Variants in NEK5 observed in about 807,000 individuals in gnomAD.
NEK5 encodes the protein NIMA related kinase 5.
In NEK5, 88 loss-of-function variants were observed where a neutral mutation model predicts 109.2. The ratio of observed to expected loss-of-function variants is 0.81; its 90% CI spans 0.68 to 0.96. NEK5 has a LOEUF of 0.96. NEK5 is among the 40% of genes least tolerant of loss of function. NEK5 has a pLI of 0.00. For missense variants in NEK5, 834 were observed against 920.7 expected (o/e 0.91, Z 1.22); for synonymous variants, 283 against 299.9 (o/e 0.94, Z 0.58).
chr13:52,125,057 A>AGC (rs1466879587), intron 3 of NEK5, among the ~76,000 whole-genome samples: 1 of 152,236 alleles, frequency 6.6e-6, no homozygotes, highest in Non-Finnish European at 1.5e-5. Context: ...ACATTAATAC[A>AGC]GCGCAGCACA....
intron 23 of NEK5, among the ~76,000 whole-genome samples, chr13:52,042,256 AT>A (rs1187003618): frequency 6.6e-6 from 1 of 151,872 alleles, no homozygotes; most frequent in Non-Finnish European, 1.5e-5. Flanking sequence ...AAGAATATAC[AT>A]CAACAAGAAA....
intron 22 of NEK5, among the ~76,000 whole-genome samples, chr13:52,054,889 C>T (rs1231373179): frequency 2.0e-5 from 3 of 152,312 alleles, no homozygotes; most frequent in East Asian, 1.9e-4. Flanking sequence ...AAAAGCAGAG[C>T]ACCTCTCCTC....
intron 20 of NEK5, among the ~76,000 whole-genome samples, chr13:52,068,384 A>G (rs1014774796): frequency 6.6e-6 from 1 of 152,136 alleles, no homozygotes; most frequent in African/African-American, 2.4e-5. Flanking sequence ...GTCTGTAAAT[A>G]CCTCAGTAAG....
intron 17 of NEK5, among the ~76,000 whole-genome samples, chr13:52,081,966 C>G (rs1296095715): frequency 1.3e-5 from 2 of 152,130 alleles, no homozygotes; most frequent in Non-Finnish European, 2.9e-5. Flanking sequence ...GACTCTGGAC[C>G]AAGCTCTAAT....
rs1955549462 is a variant in NEK5, at chr13:52,102,142, A to T, written c.760T>A (p.Leu254Met). 1 of 1,613,986 alleles carries T rather than the reference A, an allele frequency of 6.2e-7. No homozygotes were observed. The highest frequency in any genetic ancestry group is 1.7e-5 in the Admixed American group (1 of 60,004). ...AGATTCTCTAAAAAGGGCCTTTTCA[A>T]AATGGAATTTATGGATGGTCGGTCT... is the stretch of plus-strand genomic sequence containing the variant. ...PRDRPSINSI[L>M]KRPFLENLIP... Residue 254 changes from leucine (L) to methionine (M), a missense_variant, in exon 10 of 24, where the codon TTG (leucine) becomes ATG (methionine). Leu to Met is a conservative substitution (Grantham distance 15). This residue lies in a region of NEK5 where 777 missense variants were observed against 824.7 expected (regional missense o/e 0.94). Coordinates refer to ENST00000684899, the MANE Select transcript of NEK5 (RefSeq NM_001365552.1).
Position 52,050,130 on chromosome 13 carries a change from T to C in NEK5, c.2202A>G (p.Leu734=), listed in dbSNP as rs556590117. Residue 734 remains leucine (L), a synonymous_variant, in exon 23 of 24, where the codon CTA becomes CTG. Transcript: ENST00000684899. ...VSGIEVDEEQ[L]EPRSDDDDTN... is the part of the protein sequence containing the mutation. The stretch of plus-strand genomic sequence containing the variant: ...TATCATCATCATCAGATCTTGGTTC[T>C]AGTTGTTCCTCATCTACTTCAATGC... The C allele has an allele frequency of 9.1e-6, 9 of 984,886 alleles. No homozygotes were observed. The Admixed American group carries it at 3.1e-4, about 34-fold the overall frequency. The allele number at this position is 984,886 out of a possible 1,614,324, so 61.0% of individuals were successfully genotyped here. A position where few individuals can be genotyped will look rare whatever the true frequency, so the allele number is the denominator to read the frequency against.
intron 21 of NEK5, chr13:52,064,761 A>C (rs899495492): frequency 1.3e-5 from 3 of 234,848 alleles, no homozygotes; most frequent in Non-Finnish European, 2.5e-5. Flanking sequence ...GAGACTTTTC[A>C]TTTTGTTCCG....
intron 22 of NEK5, among the ~76,000 whole-genome samples, chr13:52,057,042 A>G (rs1232993324): frequency 3.9e-5 from 6 of 152,050 alleles, no homozygotes; most frequent in South Asian, 2.1e-4. Flanking sequence ...AAAATTGATA[A>G]ACCGCTAGCA....
At chr13:52,088,705 A>T (rs1007886321) in intron 14 of NEK5, among the ~76,000 whole-genome samples, 4 of 152,170 alleles carry the variant, frequency 2.6e-5, no homozygotes, top group African/African-American at 9.7e-5. Context: ...GAACTGTCCA[A>T]GGTCCCACAG....
At chr13:52,103,201 G>A (rs912202562) in intron 9 of NEK5, among the ~76,000 whole-genome samples, 1 of 152,136 alleles carries the variant, frequency 6.6e-6, no homozygotes, top group Non-Finnish European at 1.5e-5. Flanking sequence ...GGCCAAGGTG[G>A]GCAGATCACC....
intron 13 of NEK5, among the ~76,000 whole-genome samples, chr13:52,092,747 A>G (rs1389462298): frequency 6.6e-6 from 1 of 152,166 alleles, no homozygotes; most frequent in Non-Finnish European, 1.5e-5. Context: ...TCAGTTGGGC[A>G]TGGTGGTGCA....
At chr13:52,081,085 CA>C (rs1413714863) in intron 17 of NEK5, among the ~76,000 whole-genome samples, 3 of 151,782 alleles carry the variant, frequency 2.0e-5, no homozygotes, top group African/African-American at 7.3e-5. Flanking sequence ...GAACAACTCA[CA>C]AAAGTCTAGC....
chr13:52,105,172 C>G (rs1446199509), intron 8 of NEK5, among the ~76,000 whole-genome samples: 1 of 151,210 alleles, frequency 6.6e-6, no homozygotes, highest in Non-Finnish European at 1.5e-5. Context: ...GGAGTCAAAG[C>G]AAGAAGGAAT....
chr13:52,083,213 G>T, intron 17 of NEK5, 47 bp downstream of exon 17: 1 of 1,295,784 alleles, frequency 7.7e-7, no homozygotes, highest in South Asian at 1.2e-5. Flanking sequence ...ACTTGGGGTA[G>T]AGCACACACA....
At chr13:52,083,376 C>T in intron 16 of NEK5, 24 bp from the exon 17 acceptor site, 1 of 1,458,640 alleles carries the variant, frequency 6.9e-7, no homozygotes, top group South Asian at 1.1e-5. Flanking sequence ...TATACACAGT[C>T]AACAAGATTG....
intron 11 of NEK5, among the ~76,000 whole-genome samples, 165 bp from the exon 12 acceptor site, chr13:52,100,041 T>C (rs1276764815): frequency 3.3e-5 from 5 of 152,202 alleles, no homozygotes; most frequent in Non-Finnish European, 5.9e-5. Flanking sequence ...AAAATTAATA[T>C]GCAATTTCTT....
chr13:52,097,428 A>G (rs1234523459), intron 12 of NEK5, among the ~76,000 whole-genome samples: 1 of 152,208 alleles, frequency 6.6e-6, no homozygotes, highest in Non-Finnish European at 1.5e-5. Flanking sequence ...AGAGCTGCCC[A>G]AGGCCTTGAG....
chr13:52,089,521 G>C (rs1009805701), intron 13 of NEK5, among the ~76,000 whole-genome samples: 3 of 152,196 alleles, frequency 2.0e-5, no homozygotes, highest in Non-Finnish European at 2.9e-5. Context: ...AGAGTAACAA[G>C]TGGGGATACA....
chr13:52,128,585 TG>T (rs962087700), intron 1 of NEK5, among the ~76,000 whole-genome samples: 6 of 152,208 alleles, frequency 3.9e-5, no homozygotes, highest in South Asian at 4.2e-4. Context: ...AAGTCGGTAC[TG>T]GGTTGCAGGG....
Sources: gnomAD v4.1 joint callset for allele counts (sites outside exome capture counted in the v4.1 genomes callset) on GRCh38, gnomAD v4.1.1 for gene constraint, gnomAD v4.1.1 regional missense constraint, MANE v1.5 for transcripts, NCBI Gene and HGNC (gene_info 2026-07-23, HGNC 2026-07-21) for gene names.